Variants in FAHD2B observed in about 807,000 individuals in gnomAD.
FAHD2B encodes the protein oxaloacetate tautomerase FAHD2B, mitochondrial.
Under a neutral mutation model 33.7 loss-of-function variants are expected in FAHD2B, and 26 were observed. The observed-to-expected ratio is 0.77, with a 90% CI of 0.57 to 1.07. FAHD2B has a LOEUF of 1.07. Among genes scored for constraint, FAHD2B ranks in the 50% least tolerant of loss-of-function variants. FAHD2B has a pLI of 0.00. For missense variants in FAHD2B, 272 were observed against 388.1 expected, an observed-to-expected ratio of 0.70 and a Z score of 2.51; for synonymous variants, 108 against 150.9, an observed-to-expected ratio of 0.72 and a Z score of 2.08.
intron 6 of FAHD2B, 99 bp from the exon 7 acceptor site, chr2:97,084,376 G>T (rs1340614775): frequency 1.4e-6 from 2 of 1,409,728 alleles, no homozygotes; most frequent in East Asian, 2.3e-5. Flanking sequence ...TGACTTGGCA[G>T]GTGAAAGGGC....
At chr2:97,082,595 T>C (rs1559133120), downstream of FAHD2B, 1 of 1,575,714 alleles carries the variant, frequency 6.3e-7, no homozygotes, top group African/African-American at 1.4e-5. Flanking sequence ...TTCTGTCCAG[T>C]CTGAGTTCTA....
Position 97,084,284 on chromosome 2 carries a change from T to C in FAHD2B, c.686-7A>G, listed in dbSNP as rs1031295197. The C allele has an allele frequency of 4.3e-6, 7 of 1,612,868 alleles. No homozygotes were observed. Among genetic ancestry groups the C allele is most frequent in the Non-Finnish European group, 5.9e-6 (7 of 1,179,746 alleles). Reference sequence around the variant, plus strand: ...ATCTTTAAGTTGTGTGGATCTGAAATGCAAAGATGGAACCTTGGAGTTATC... The same window carrying C: ...ATCTTTAAGTTGTGTGGATCTGAAACGCAAAGATGGAACCTTGGAGTTATC... On this transcript the variant is annotated splice_region_variant and splice_polypyrimidine_tract_variant and intron_variant, in intron 6 of 8. Coordinates refer to ENST00000414820, the MANE Select transcript of FAHD2B (RefSeq NM_001320848.2).
intron 5 of FAHD2B, 31 bp downstream of exon 5, chr2:97,086,108 C>A (rs2031967808): frequency 6.2e-7 from 1 of 1,611,346 alleles, no homozygotes; most frequent in African/African-American, 1.3e-5. Context: ...CTGCTGCACT[C>A]TGGCCTGGGA....
rs982451431 is a variant in FAHD2B at position 97,090,195 on chromosome 2, C to T, written c.376G>A (p.Val126Met). 26 of 1,610,532 alleles carry T rather than the reference C, an allele frequency of 1.6e-5. No homozygotes were observed. The highest frequency in any genetic ancestry group is 5.5e-5 in the South Asian group (5 of 90,588). Residue 126 changes from valine to methionine, a missense_variant, in exon 4 of 9, where the codon GTG becomes ATG. Transcript: ENST00000414820. Reference protein sequence around the residue: ...VDHCKEQNVPVPKEPIIFSKF... With the variant: ...VDHCKEQNVPMPKEPIIFSKF... ...CTGAAGATGATGGGCTCCTTGGGCACGGGCACGTTCTGTTCTTTGCAGTGG... is the reference window on the plus strand; with the variant it reads ...CTGAAGATGATGGGCTCCTTGGGCATGGGCACGTTCTGTTCTTTGCAGTGG...
chr2:97,083,059 T>G, downstream of FAHD2B: 10 of 1,391,266 alleles, frequency 7.2e-6, no homozygotes, highest in Non-Finnish European at 9.6e-6. Context: ...CAAGGCAGGT[T>G]TCTGGGGGAC....
At chr2:97,080,996 G>A (rs925583702), downstream of FAHD2B, 67 of 1,057,172 alleles carry the variant, frequency 6.3e-5, no homozygotes, top group Admixed American at 7.4e-4. Flanking sequence ...GGCTGGGCGC[G>A]GTGCCTCATG....
downstream of FAHD2B, chr2:97,083,308 C>T: frequency 6.9e-6 from 11 of 1,584,274 alleles, no homozygotes; most frequent in Non-Finnish European, 9.4e-6. Flanking sequence ...CAGAACACAG[C>T]TGTGTCCTAG....
At chr2:97,089,556 T>A (rs532378672) in intron 4 of FAHD2B, among the ~76,000 whole-genome samples, 1 of 149,996 alleles carries the variant, frequency 6.7e-6, no homozygotes, top group Admixed American at 6.7e-5. Context: ...AATATATTAA[T>A]GGACATGCAA....
chr2:97,091,463 T>C lies in FAHD2B; in HGVS notation c.244A>G (p.Arg82Gly). 1 of 1,609,836 alleles carries C rather than the reference T, an allele frequency of 6.2e-7. No homozygotes were observed. The highest frequency in any genetic ancestry group is 8.5e-7 in the Non-Finnish European group (1 of 1,178,336). The change falls in exon 3 of 9, where the codon AGA (arginine) becomes GGA (glycine). Residue 82 changes from arginine (R) to glycine (G), a missense_variant and splice_region_variant. Transcript: ENST00000414820. Reference sequence around the variant, plus strand: ...GGGCGATGCTGCCCACTTACTTACCTTCTTGCCACTGAGAGGGTGGCCTCT... The same window carrying C: ...GGGCGATGCTGCCCACTTACTTACCCTCTTGCCACTGAGAGGGTGGCCTCT... ...QGEATLSVAR[R>G]ALAAQLPVLP...
intron 4 of FAHD2B, chr2:97,087,044 G>C (rs6705666): frequency 3.9e-5 from 6 of 152,176 alleles, no homozygotes; most frequent in South Asian, 2.1e-4. Context: ...GAATAAAGAG[G>C]GAGGCAGCTT....
intron 1 of FAHD2B, among the ~76,000 whole-genome samples, chr2:97,094,395 T>C (rs1381610361): frequency 7.5e-6 from 1 of 133,002 alleles, no homozygotes; most frequent in Non-Finnish European, 1.6e-5. Context: ...ACAACCACTA[T>C]GTCACACAGT....
intron 4 of FAHD2B, among the ~76,000 whole-genome samples, chr2:97,087,200 T>C (rs1257090): frequency 0.59 from 89,064 of 151,614 alleles, 30,589 homozygotes; most frequent in Non-Finnish European, 0.79. Flanking sequence ...TACAGGCACC[T>C]GCCACCACGC....
downstream of FAHD2B, chr2:97,083,120 A>G: frequency 2.6e-6 from 4 of 1,547,838 alleles, no homozygotes; most frequent in South Asian, 3.6e-5. Flanking sequence ...GAGCGCACTC[A>G]TGGCGCATCT....
At chr2:97,081,709 C>T (rs1472594118), downstream of FAHD2B, among the ~76,000 whole-genome samples, 2 of 148,712 alleles carry the variant, frequency 1.3e-5, no homozygotes, top group Non-Finnish European at 2.9e-5. Flanking sequence ...CCACCTATGC[C>T]CCGGTTCTGT....
At chr2:97,093,708 T>G (rs1490066095) in intron 1 of FAHD2B, among the ~76,000 whole-genome samples, 2 of 152,114 alleles carry the variant, frequency 1.3e-5, no homozygotes, top group African/African-American at 4.8e-5. Context: ...CTCCTGACCT[T>G]GTGATCCGCC....
downstream of FAHD2B, chr2:97,081,320 C>T: frequency 6.6e-7 from 1 of 1,522,882 alleles, no homozygotes; most frequent in South Asian, 1.3e-5. Flanking sequence ...CCCATCCCTG[C>T]CCATGCTCTA....
intron 4 of FAHD2B, 140 bp from the exon 5 acceptor site, chr2:97,086,338 T>C: frequency 8.1e-7 from 1 of 1,228,114 alleles, no homozygotes; most frequent in Non-Finnish European, 1.1e-6. Context: ...CAGAGCCCAG[T>C]GAATGACAAG....
Position 97,084,013 on chromosome 2 carries a change from C to A in FAHD2B, c.817G>T (p.Asp273Tyr), listed in dbSNP as rs140352445. 1 of 1,613,626 alleles carries A rather than the reference C, an allele frequency of 6.2e-7. No individual in the cohort carries two copies. The highest frequency in any genetic ancestry group is 8.5e-7 in the Non-Finnish European group (1 of 1,179,944). Reference protein sequence around the residue: ...VSQFVTFYPGDVILTGTPPGV... With the variant: ...VSQFVTFYPGYVILTGTPPGV... ...GGGGGGGTCCCAGTTAGGATGACAT[C>A]CCCTGGGTAAAAGGTAACAAACCTG... Residue 273 changes from aspartate (D) to tyrosine (Y), a missense_variant, in exon 8 of 9, where the codon GAT (aspartate) becomes TAT (tyrosine). By Grantham distance (160) the Asp-to-Tyr change is radical (BLOSUM62 -3). Coordinates refer to ENST00000414820, the MANE Select transcript of FAHD2B (RefSeq NM_001320848.2).
rs748584192 is a variant in FAHD2B at position 97,091,728 on chromosome 2, C to A, written c.-6-16G>T. The A allele has an allele frequency of 2.2e-5, 35 of 1,598,160 alleles. No homozygotes were observed. The highest frequency in any genetic ancestry group is 2.6e-5 in the Non-Finnish European group (31 of 1,169,958). ...GCATCAGAGCCTGCAGAGAAAAACACAGGATCCAGGAGATGGAGGATCTCA... is the reference window on the plus strand; with the variant it reads ...GCATCAGAGCCTGCAGAGAAAAACAAAGGATCCAGGAGATGGAGGATCTCA... On this transcript the variant is annotated splice_polypyrimidine_tract_variant and intron_variant, in intron 2 of 8. Coordinates refer to ENST00000414820, the MANE Select transcript of FAHD2B (RefSeq NM_001320848.2).
Sources: allele counts gnomAD v4.1 joint callset (sites outside exome capture counted in the v4.1 genomes callset), GRCh38; gene constraint gnomAD v4.1.1; transcripts MANE v1.5; gene names NCBI Gene and HGNC (gene_info 2026-07-23, HGNC 2026-07-21).